Variants in TMEM50A observed in about 807,000 individuals in gnomAD.
TMEM50A encodes the protein transmembrane protein 50A.
In TMEM50A, 8 loss-of-function variants were observed where a neutral mutation model predicts 23.9. The observed-to-expected ratio is 0.33, with a 90% CI of 0.20 to 0.60. The LOEUF (loss-of-function observed/expected upper bound fraction) is 0.60, where lower values mean the gene tolerates loss of function less well. Ranked by LOEUF, TMEM50A falls within the 20% of genes least tolerant of loss-of-function variation. TMEM50A has a pLI of 0.81. For missense variants in TMEM50A, 178 were observed against 192.7 expected (o/e 0.92, Z 0.45); for synonymous variants, 55 against 60.4 (o/e 0.91, Z 0.41).
intron 2 of TMEM50A, among the ~76,000 whole-genome samples, chr1:25,341,088 G>A (rs547334768): frequency 2.0e-5 from 3 of 152,086 alleles, no homozygotes; most frequent in Non-Finnish European, 4.4e-5. Context: ...AAAATACATT[G>A]TGTGGAAGTA....
chr1:25,344,697 T>G (rs1326670121), intron 3 of TMEM50A, among the ~76,000 whole-genome samples: 1 of 151,808 alleles, frequency 6.6e-6, no homozygotes, highest in African/African-American at 2.4e-5. Context: ...GAGTTTCTGA[T>G]TGTTTTTTTT....
At chr1:25,340,962 G>GA (rs35315089) in intron 2 of TMEM50A, among the ~76,000 whole-genome samples, 1 of 151,688 alleles carries the variant, frequency 6.6e-6, no homozygotes, top group African/African-American at 2.4e-5. Context: ...CAGTCTCAGG[G>GA]AAAAAAAAGT....
chr1:25,357,562 T>TGTTG (rs397778370), intron 6 of TMEM50A, among the ~76,000 whole-genome samples: 60 of 132,064 alleles, frequency 4.5e-4, no homozygotes, highest in African/African-American at 1.8e-3. Context: ...TGTGTGTGTG[T>TGTTG]TGTGTGTGTG....
intron 3 of TMEM50A, among the ~76,000 whole-genome samples, chr1:25,345,842 C>T (rs966123335): frequency 6.6e-6 from 1 of 151,238 alleles, no homozygotes; most frequent in South Asian, 2.1e-4. Flanking sequence ...GGCTGGAGTG[C>T]AATGGCATGA....
intron 5 of TMEM50A, among the ~76,000 whole-genome samples, chr1:25,355,704 A>T (rs1014606169): frequency 6.6e-6 from 1 of 152,248 alleles, no homozygotes; most frequent in Non-Finnish European, 1.5e-5. Flanking sequence ...AATGAGAAAA[A>T]TTTGACAGTT....
chr1:25,341,178 G>A (rs1320661140), intron 2 of TMEM50A, among the ~76,000 whole-genome samples: 3 of 152,130 alleles, frequency 2.0e-5, no homozygotes, highest in Non-Finnish European at 2.9e-5. Context: ...ATATGGTGTC[G>A]TAGGCTCTAA....
chr1:25,362,210 G>C lies in TMEM50A; in HGVS notation c.*1505G>C. 1 of 531,830 alleles carries C rather than the reference G, an allele frequency of 1.9e-6. No individual in the cohort carries two copies. The highest frequency in any genetic ancestry group is 3.4e-5 in the East Asian group (1 of 29,378). 32.9% of individuals were successfully genotyped at this position (531,830 alleles called of 1,614,324 possible). ...TAGACAAGAGTTAACTGAGTAGCAT[G>C]CTTTATTAAGCATGAGAAAGAATCT... On this transcript the variant is annotated 3_prime_UTR_variant, in exon 7 of 7. Transcript: ENST00000374358.
At chr1:25,356,876 A>ATGTT in intron 6 of TMEM50A, 23 bp downstream of exon 6, 1 of 1,546,686 alleles carries the variant, frequency 6.5e-7, no homozygotes, top group Non-Finnish European at 8.7e-7. Flanking sequence ...TGCATTCTTT[A>ATGTT]TGTTTGTTTG....
chr1:25,348,278 ATTC>A (rs1251086646), intron 3 of TMEM50A, among the ~76,000 whole-genome samples: 1 of 152,248 alleles, frequency 6.6e-6, no homozygotes, highest in Non-Finnish European at 1.5e-5. Context: ...AAAAGCAGCT[ATTC>A]TTTCATTAAT....
chr1:25,355,276 G>A (rs1323735411), intron 5 of TMEM50A, among the ~76,000 whole-genome samples: 3 of 151,936 alleles, frequency 2.0e-5, no homozygotes, highest in African/African-American at 7.2e-5. Flanking sequence ...CCACTGCACT[G>A]CAGCCTGGGT....
In TMEM50A at chr1:25,352,905, G is replaced by C. The variant is rs1299168824; in HGVS notation, c.298G>C (p.Gly100Arg). Residue 100 changes from glycine (G) to arginine (R), a missense_variant, in exon 5 of 7, where the codon GGT (glycine) becomes CGT (arginine). Transcript: ENST00000374358. ...QTGARIWLFV[G>R]FMLAFGSLIA... The stretch of plus-strand genomic sequence containing the variant: ...AGGTGCTCGCATTTGGCTTTTCGTT[G>C]GTTTCATGTTGGCCTTTGGATCTCT... The C allele has an allele frequency of 3.1e-6, 5 of 1,612,868 alleles. No homozygotes were observed. The highest frequency in any genetic ancestry group is 4.2e-6 in the Non-Finnish European group (5 of 1,179,692).
intron 5 of TMEM50A, among the ~76,000 whole-genome samples, chr1:25,356,122 C>T (rs1371886726): frequency 6.6e-6 from 1 of 152,188 alleles, no homozygotes; most frequent in Non-Finnish European, 1.5e-5. Context: ...TTTAATCTAC[C>T]CTCAGCACAG....
At chr1:25,351,849 GAATT>G (rs1645278388) in intron 4 of TMEM50A, among the ~76,000 whole-genome samples, 156 bp downstream of exon 4, 1 of 152,116 alleles carries the variant, frequency 6.6e-6, no homozygotes, top group Non-Finnish European at 1.5e-5. Flanking sequence ...TTGAAATTGG[GAATT>G]AATATATAAC....
intron 6 of TMEM50A, among the ~76,000 whole-genome samples, chr1:25,357,609 A>AGTGTGT (rs60773283): frequency 0.098 from 10,945 of 111,400 alleles, 764 homozygotes; most frequent in African/African-American, 0.15. Context: ...TCTCTCACCC[A>AGTGTGT]GTGTGTGTGT....
intron 5 of TMEM50A, among the ~76,000 whole-genome samples, chr1:25,355,310 A>C (rs1253134132): frequency 6.6e-6 from 1 of 152,064 alleles, no homozygotes; most frequent in Non-Finnish European, 1.5e-5. Flanking sequence ...CCTCTCAAAA[A>C]TCAAAACAAA....
chr1:25,343,649 C>T (rs1402923140), intron 3 of TMEM50A, among the ~76,000 whole-genome samples: 2 of 152,066 alleles, frequency 1.3e-5, no homozygotes, highest in African/African-American at 4.8e-5. Context: ...ACCTCGACCT[C>T]CCAAAGTGCC....
intron 2 of TMEM50A, 31 bp downstream of exon 2, chr1:25,340,610 T>C (rs1645157668): frequency 1.3e-6 from 2 of 1,562,358 alleles, no homozygotes; most frequent in Non-Finnish European, 1.8e-6. Context: ...GGGCCTTATT[T>C]TTTGGTGCGT....
chr1:25,354,334 AT>A (rs1165053068), intron 5 of TMEM50A, among the ~76,000 whole-genome samples: 2 of 152,174 alleles, frequency 1.3e-5, no homozygotes, highest in East Asian at 1.9e-4. Flanking sequence ...ATTGTAGAAA[AT>A]AAAAAAGGGT....
chr1:25,340,441 A>T, intron 1 of TMEM50A, 33 bp from the exon 2 acceptor site: 1 of 1,476,094 alleles, frequency 6.8e-7, no homozygotes, highest in Non-Finnish European at 9.4e-7. Flanking sequence ...AAATGGAAGT[A>T]CTTATTTAAT....
Sources: allele counts gnomAD v4.1 joint callset (sites outside exome capture counted in the v4.1 genomes callset), GRCh38; gene constraint gnomAD v4.1.1; transcripts MANE v1.5; gene names NCBI Gene and HGNC (gene_info 2026-07-23, HGNC 2026-07-21).